The following OR10R2 variants were observed in gnomAD, a reference collection of about 807,000 sequenced individuals.
OR10R2 encodes olfactory receptor 10R2.
In OR10R2, 1 loss-of-function variant was observed where a neutral mutation model predicts 2.4. That is an observed-to-expected ratio of 0.41 (90% confidence interval 0.15 to 1.95). The LOEUF (loss-of-function observed/expected upper bound fraction) is 1.95, where lower values mean the gene tolerates loss of function less well. OR10R2 is among the 30% of genes most tolerant of loss of function. The pLI is 0.30. For synonymous variants in OR10R2, 166 were observed against 144.8 expected, an observed-to-expected ratio of 1.15 and a Z score of -1.05; for missense variants, 419 against 373.0, an observed-to-expected ratio of 1.12 and a Z score of -1.01.
chr1:158,477,094 T>C (rs945207620), intron 1 of OR10R2, among the ~76,000 whole-genome samples: 2 of 152,192 alleles, frequency 1.3e-5, no homozygotes, highest in African/African-American at 4.8e-5. Context: ...GAAATTCATA[T>C]GATCATCTCA....
At chr1:158,477,849 C>A (rs182610310) in intron 1 of OR10R2, among the ~76,000 whole-genome samples, 1 of 152,108 alleles carries the variant, frequency 6.6e-6, no homozygotes, top group East Asian at 1.9e-4. Context: ...GCCCAAGTAA[C>A]CCTAAAGAAA....
chr1:158,472,312 A>C, exon 1 of OR10R2: 1 of 399,058 alleles, frequency 2.5e-6, no homozygotes, highest in Non-Finnish European at 4.4e-6. Flanking sequence ...TCCAGCCCAT[A>C]CAGAAGAGGC....
At chr1:158,480,292 G>C (rs759423191) in exon 2 of OR10R2, 7 of 1,613,902 alleles carry the variant, frequency 4.3e-6, no homozygotes, top group Non-Finnish European at 5.1e-6. Context: ...GGGTGTGATG[G>C]GTTATGATCG....
chr1:158,476,979 C>T (rs776910130), intron 1 of OR10R2, among the ~76,000 whole-genome samples: 1 of 152,020 alleles, frequency 6.6e-6, no homozygotes, highest in Non-Finnish European at 1.5e-5. Flanking sequence ...GAATATTAGG[C>T]CTTTGTCTGA....
intron 1 of OR10R2, among the ~76,000 whole-genome samples, chr1:158,477,769 C>G (rs966448365): frequency 6.6e-6 from 1 of 152,104 alleles, no homozygotes; most frequent in African/African-American, 2.4e-5. Flanking sequence ...TATCAAACTA[C>G]CAATGTAATT....
Position 158,472,292 on chromosome 1 carries a change from C to A in OR10R2, c.-34C>A. On this transcript the variant is annotated 5_prime_UTR_variant, in exon 1 of 2. It adds an upstream start codon to the 5' untranslated region. Transcript: ENST00000641067. ...AGCTCCTTAATTATACTCATTAGGCCTGTAGCTGATCCAGCCCATACAGAA... is the reference window on the plus strand; with the variant it reads ...AGCTCCTTAATTATACTCATTAGGCATGTAGCTGATCCAGCCCATACAGAA... The A allele has an allele frequency of 2.5e-6, 1 of 398,952 alleles. No homozygotes were observed. The highest frequency in any genetic ancestry group is 6.3e-4 in the Middle Eastern group (1 of 1,586). The allele number at this position is 398,952 out of a possible 1,614,324, so 24.7% of individuals were successfully genotyped here. A position where few individuals can be genotyped will look rare whatever the true frequency, so the allele number is the denominator to read the frequency against.
At chr1:158,478,460 C>T (rs1225480952) in intron 1 of OR10R2, among the ~76,000 whole-genome samples, 2 of 152,080 alleles carry the variant, frequency 1.3e-5, no homozygotes, top group Non-Finnish European at 2.9e-5. Flanking sequence ...GGGATTCTAC[C>T]TGACTAAAAA....
chr1:158,480,263 T>TAA lies in OR10R2; in HGVS notation c.353_354insAA (p.Thr119IlefsTer9). 5 of 1,614,090 alleles carry TAA rather than the reference T, an allele frequency of 3.1e-6. No individual in the cohort carries two copies. The highest frequency in any genetic ancestry group is 4.2e-6 in the Non-Finnish European group (5 of 1,179,988). Reference sequence around the variant, plus strand: ...ATGTTCTTCTTCCTTGGTTTTGCCATTACCAACTGCCTGCTATTGGGTGTG... The same window carrying TAA: ...ATGTTCTTCTTCCTTGGTTTTGCCATAATACCAACTGCCTGCTATTGGGTGTG... On this transcript the variant is annotated frameshift_variant, in exon 2 of 2. Coordinates refer to ENST00000641067, the Ensembl canonical transcript of OR10R2. LOFTEE classifies it low-confidence loss of function (END_TRUNC).
chr1:158,476,155 A>G (rs1293479517), intron 1 of OR10R2, among the ~76,000 whole-genome samples: 1 of 152,112 alleles, frequency 6.6e-6, no homozygotes, highest in Non-Finnish European at 1.5e-5. Context: ...AAATTATCAT[A>G]TGGAAGAGCT....
At chr1:158,475,488 C>G (rs80331473) in intron 1 of OR10R2, among the ~76,000 whole-genome samples, 8,940 of 151,986 alleles carry the variant, frequency 0.059, 351 homozygotes, top group Non-Finnish European at 0.083. Context: ...AAATACACTT[C>G]AAGTTAAAAT....
At chr1:158,480,721 C>A in exon 2 of OR10R2, 1 of 1,612,284 alleles carries the variant, frequency 6.2e-7, no homozygotes, top group Non-Finnish European at 8.5e-7. Context: ...CTACCTGAGG[C>A]CTACAGCAAA....
At chr1:158,477,468 A>C (rs1162307617) in intron 1 of OR10R2, among the ~76,000 whole-genome samples, 1 of 152,212 alleles carries the variant, frequency 6.6e-6, no homozygotes, top group Non-Finnish European at 1.5e-5. Context: ...TTAGGATACA[A>C]AATCAATCTA....
intron 1 of OR10R2, among the ~76,000 whole-genome samples, chr1:158,479,328 T>C (rs1656331809): frequency 6.6e-6 from 1 of 152,188 alleles, no homozygotes; most frequent in Non-Finnish European, 1.5e-5. Flanking sequence ...AATTGCTCTT[T>C]ATTTTATTAC....
chr1:158,478,122 G>A lies in OR10R2; in HGVS notation c.28-1816G>A, dbSNP rs145799024. Reference sequence around the variant, plus strand: ...AGCCATCTGCAGAAGAGGGAAACTGGACCCTCACTTTTCACCATATACAAA... The same window carrying A: ...AGCCATCTGCAGAAGAGGGAAACTGAACCCTCACTTTTCACCATATACAAA... On this transcript the variant is annotated intron_variant, in intron 1 of 1. Transcript: ENST00000641067. 1.8e-3 allele frequency among the ~76,000 whole-genome samples: 273 copies of A among 152,188 alleles called. 9 individuals carry two copies. In the East Asian group the frequency reaches 0.048, roughly 27 times the overall value.
At chr1:158,480,454 A>G (rs775315320) in exon 2 of OR10R2, 9 of 1,613,878 alleles carry the variant, frequency 5.6e-6, no homozygotes, top group African/African-American at 1.3e-5. Flanking sequence ...TAGCGCCAAC[A>G]AAGTCAATCA....
exon 2 of OR10R2, chr1:158,480,267 C>T: frequency 6.2e-7 from 1 of 1,614,062 alleles, no homozygotes; most frequent in African/African-American, 1.3e-5. Context: ...TTGCCATTAC[C>T]AACTGCCTGC....
intron 1 of OR10R2, among the ~76,000 whole-genome samples, chr1:158,478,127 T>C (rs1055313889): frequency 1.3e-5 from 2 of 152,122 alleles, no homozygotes; most frequent in African/African-American, 4.8e-5. Context: ...AACTGGACCC[T>C]CACTTTTCAC....
Position 158,480,151 on chromosome 1 carries a change from T to G in OR10R2, c.241T>G (p.Phe81Val), listed in dbSNP as rs749369849. Residue 81 changes from phenylalanine to valine, a missense_variant, in exon 2 of 2, where the codon TTC (phenylalanine) becomes GTC (valine). Phe to Val is a conservative substitution (Grantham distance 50, BLOSUM62 -1). Coordinates refer to ENST00000641067, the Ensembl canonical transcript of OR10R2. ...TGGCATTCTCTCAACATCTGAGACCTTCTACACCTTTGTCATTCTACCCAA... is the reference window on the plus strand; with the variant it reads ...TGGCATTCTCTCAACATCTGAGACCGTCTACACCTTTGTCATTCTACCCAA... 19 of 1,613,904 alleles carry G rather than the reference T, an allele frequency of 1.2e-5. No homozygotes were observed. The South Asian group carries it at 1.2e-4, about 10-fold the overall frequency.
chr1:158,478,576 T>C (rs945480505), intron 1 of OR10R2, among the ~76,000 whole-genome samples: 2 of 152,146 alleles, frequency 1.3e-5, no homozygotes. Flanking sequence ...CTATTGTAAG[T>C]TTCAAACCCC....
Sources: allele counts gnomAD v4.1 joint callset (sites outside exome capture counted in the v4.1 genomes callset), GRCh38; gene constraint gnomAD v4.1.1; transcripts MANE v1.5; gene names NCBI Gene and HGNC (gene_info 2026-07-23, HGNC 2026-07-21).